Variants in CCDC178 observed in about 807,000 individuals in gnomAD.
The protein encoded by CCDC178 is coiled-coil domain-containing protein 178.
In CCDC178, 126 loss-of-function variants were observed where a neutral mutation model predicts 117.4. The observed-to-expected ratio is 1.07, with a 90% CI of 0.93 to 1.24. CCDC178 has a LOEUF of 1.24. Ranked by LOEUF, CCDC178 falls within the 50% of genes most tolerant of loss-of-function variation. The pLI, the probability that CCDC178 is intolerant of heterozygous loss-of-function variation, is 0.00. For synonymous variants in CCDC178, 283 were observed against 313.4 expected, an observed-to-expected ratio of 0.90 and a Z score of 1.02; for missense variants, 1,030 against 986.9, an observed-to-expected ratio of 1.04 and a Z score of -0.59.
intron 20 of CCDC178, among the ~76,000 whole-genome samples, chr18:33,154,821 T>C (rs1477349960): frequency 1.3e-5 from 2 of 152,090 alleles, no homozygotes; most frequent in Non-Finnish European, 1.5e-5. Context: ...TTATAAAGGG[T>C]CGATTGGTTA....
At chr18:33,041,457 AATG>A (rs549701636) in intron 21 of CCDC178, among the ~76,000 whole-genome samples, 93 of 150,862 alleles carry the variant, frequency 6.2e-4, no homozygotes, top group African/African-American at 2.1e-3. Flanking sequence ...GAAAAAATCT[AATG>A]ATATATTAAA....
rs138276960 is a variant in CCDC178, at chr18:32,962,398, C to G, written c.2523+12149G>C. ...CAGGTTTTCTTCTGGTCATTTCCTT[C>G]AAGCTGAAATACTTCTTTTAGCATT... is the stretch of plus-strand genomic sequence containing the variant. On this transcript the variant is annotated intron_variant, in intron 22 of 22. Transcript: ENST00000383096. Among the ~76,000 whole-genome samples the G allele has an allele frequency of 5.9e-3, 897 of 152,168 alleles. 6 individuals are homozygous for G. The highest frequency in any genetic ancestry group is 9.6e-3 in the Non-Finnish European group (652 of 67,970).
chr18:33,343,278 T>C (rs1016186233), intron 9 of CCDC178, among the ~76,000 whole-genome samples: 2 of 152,206 alleles, frequency 1.3e-5, no homozygotes, highest in Non-Finnish European at 2.9e-5. Flanking sequence ...TATAATATAA[T>C]ATAGGTACTC....
rs114947105 is a variant in CCDC178 at position 33,243,835 on chromosome 18, A to G, written c.1593+1410T>C. ...ATTGAAATACACAGTTAAGTGGCCA[A>G]GTAAGTGGATGATGATATCTTCATT... On this transcript the variant is annotated intron_variant, in intron 15 of 22. Coordinates refer to ENST00000383096, the MANE Select transcript of CCDC178 (RefSeq NM_001105528.4). 6.0e-3 allele frequency among the ~76,000 whole-genome samples: 920 copies of G among 152,066 alleles called. 8 individuals carry two copies. Among genetic ancestry groups the G allele is most frequent in the African/African-American group, 0.021 (882 of 41,536 alleles).
intron 21 of CCDC178, among the ~76,000 whole-genome samples, chr18:33,073,695 C>G (rs976956473): frequency 6.6e-6 from 1 of 152,010 alleles, no homozygotes; most frequent in African/African-American, 2.4e-5. Context: ...ATTTGCCGGG[C>G]ACTTCTCTAG....
At chr18:33,354,401 T>G (rs2063023232) in intron 7 of CCDC178, among the ~76,000 whole-genome samples, 1 of 152,122 alleles carries the variant, frequency 6.6e-6, no homozygotes. Flanking sequence ...CTTCTCACTT[T>G]TTGACTGCTA....
chr18:32,950,122 G>A (rs1379032763), intron 22 of CCDC178, among the ~76,000 whole-genome samples: 1 of 152,122 alleles, frequency 6.6e-6, no homozygotes, highest in East Asian at 1.9e-4. Context: ...AACTTGGGTA[G>A]TTTTCTTAGA....
At chr18:33,193,931 G>C (rs1371743614) in intron 20 of CCDC178, among the ~76,000 whole-genome samples, 3 of 152,188 alleles carry the variant, frequency 2.0e-5, no homozygotes, top group Non-Finnish European at 4.4e-5. Context: ...GATAACACTT[G>C]TGTGTCTGCA....
chr18:33,207,040 T>A (rs2144574665), intron 20 of CCDC178, among the ~76,000 whole-genome samples: 1 of 152,314 alleles, frequency 6.6e-6, no homozygotes, highest in Admixed American at 6.5e-5. Flanking sequence ...TCTCTCAGGC[T>A]GGAGTTTCAT....
At chr18:33,173,779 G>T (rs1028130288) in intron 20 of CCDC178, among the ~76,000 whole-genome samples, 1 of 152,156 alleles carries the variant, frequency 6.6e-6, no homozygotes, top group Non-Finnish European at 1.5e-5. Context: ...TCTCTCTTCA[G>T]TGTGTCCTGG....
chr18:33,235,577 T>G lies in CCDC178; in HGVS notation c.1594-8722A>C, dbSNP rs80179594. Among the ~76,000 whole-genome samples the G allele has an allele frequency of 7.9e-3, 1,202 of 152,332 alleles. 63 individuals are homozygous for G. In the East Asian group the frequency reaches 0.14, roughly 18 times the overall value. On this transcript the variant is annotated intron_variant, in intron 15 of 22. Transcript: ENST00000383096. ...TTTATGTCTACTTTATTCCTTCCTTTTTACTAAGTTTCCACTTAGTTCTAG... is the reference window on the plus strand; with the variant it reads ...TTTATGTCTACTTTATTCCTTCCTTGTTACTAAGTTTCCACTTAGTTCTAG...
chr18:33,316,149 C>T (rs934483961), intron 11 of CCDC178, among the ~76,000 whole-genome samples: 1 of 152,324 alleles, frequency 6.6e-6, no homozygotes, highest in East Asian at 1.9e-4. Flanking sequence ...CCCTTCAGCC[C>T]GCCGCTGCAC....
intron 21 of CCDC178, among the ~76,000 whole-genome samples, chr18:32,980,848 A>G (rs78826748): frequency 0.065 from 9,935 of 152,276 alleles, 453 homozygotes; most frequent in Middle Eastern, 0.11. Context: ...AAATTTGTGT[A>G]TAATTTGATA....
intron 21 of CCDC178, among the ~76,000 whole-genome samples, chr18:33,084,451 G>A (rs1188970055): frequency 6.6e-6 from 1 of 152,076 alleles, no homozygotes. Context: ...ATTTTTGGCT[G>A]TTGTAGCTAT....
intron 14 of CCDC178, among the ~76,000 whole-genome samples, chr18:33,249,152 A>T (rs1384868722): frequency 2.0e-5 from 3 of 152,080 alleles, no homozygotes; most frequent in Non-Finnish European, 2.9e-5. Context: ...AGTTCATTGT[A>T]GATTCTGGAT....
intron 21 of CCDC178, among the ~76,000 whole-genome samples, chr18:33,071,909 T>C (rs1031043409): frequency 6.6e-6 from 1 of 152,066 alleles, no homozygotes; most frequent in African/African-American, 2.4e-5. Flanking sequence ...AAGGAGGAGA[T>C]AAAAATTGAA....
At chr18:33,368,411 G>C (rs1599230398) in intron 6 of CCDC178, among the ~76,000 whole-genome samples, 1 of 151,890 alleles carries the variant, frequency 6.6e-6, no homozygotes, top group African/African-American at 2.4e-5. Flanking sequence ...CAGAAGACAA[G>C]AGTAAAGAAG....
At chr18:33,228,538 T>C (rs1446891635) in intron 15 of CCDC178, among the ~76,000 whole-genome samples, 1 of 152,254 alleles carries the variant, frequency 6.6e-6, no homozygotes. Flanking sequence ...AGAAAGATAC[T>C]ACATTTGAAA....
chr18:32,946,797 TGAGACA>T (rs2054362654), intron 22 of CCDC178, among the ~76,000 whole-genome samples: 1 of 151,396 alleles, frequency 6.6e-6, no homozygotes, highest in Admixed American at 6.6e-5. Flanking sequence ...TCTTTTTTTT[TGAGACA>T]GAGTCTCGCT....
Sources: gnomAD v4.1 joint callset for allele counts (sites outside exome capture counted in the v4.1 genomes callset) on GRCh38, gnomAD v4.1.1 for gene constraint, MANE v1.5 for transcripts, NCBI Gene and HGNC (gene_info 2026-07-23, HGNC 2026-07-21) for gene names.